Variants in ZRANB1 observed in about 807,000 individuals in gnomAD.
ZRANB1 encodes zinc finger RANBP2-type containing 1, also known as ubiquitin thioesterase ZRANB1.
A neutral mutation model predicts 80.5 loss-of-function variants in ZRANB1; 16 were observed. The observed-to-expected ratio is 0.20, with a 90% CI of 0.13 to 0.30. The LOEUF (loss-of-function observed/expected upper bound fraction) is 0.30. ZRANB1 is among the 10% of genes least tolerant of loss of function. The pLI is 1.00. For missense variants in ZRANB1, 576 were observed against 862.6 expected, an observed-to-expected ratio of 0.67 and a Z score of 4.16; for synonymous variants, 291 against 293.1, an observed-to-expected ratio of 0.99 and a Z score of 0.07.
chr10:124,937,455 G>C (rs1195310014), upstream of ZRANB1, among the ~76,000 whole-genome samples: 1 of 151,166 alleles, frequency 6.6e-6, no homozygotes, highest in African/African-American at 2.4e-5. Flanking sequence ...CAAAGTGCTG[G>C]GATTATAGGC....
chr10:124,922,994 A>G, the ZRANB1 span, among the ~76,000 whole-genome samples: 1 of 152,126 alleles, frequency 6.6e-6, no homozygotes, highest in Non-Finnish European at 1.5e-5. Context: ...TCACATTGCT[A>G]TAAAGAACTA....
intron 1 of ZRANB1, among the ~76,000 whole-genome samples, chr10:124,948,714 C>T (rs1951605459): frequency 6.6e-6 from 1 of 152,098 alleles, no homozygotes; most frequent in Admixed American, 6.6e-5. Flanking sequence ...TAATATGCTT[C>T]ATCATCTTGT....
Position 124,966,646 on chromosome 10 carries a change from A to G in ZRANB1, c.867A>G (p.Gly289=). 4 of 1,614,186 alleles carry G rather than the reference A, an allele frequency of 2.5e-6. No homozygotes were observed. The highest frequency in any genetic ancestry group is 3.4e-6 in the Non-Finnish European group (4 of 1,180,026). ...TAGAAGCATACAAGTCATCAGGAGG[A>G]GACATTGCACGTCAGCTCACCGCAG... ...AAIEAYKSSG[G]DIARQLTADE... is the part of the protein sequence containing the mutation. Residue 289 remains glycine (G), a synonymous_variant, in exon 2 of 9, where the codon GGA becomes GGG. Transcript: ENST00000359653.
chr10:124,966,332 A>G (rs936482784), intron 1 of ZRANB1, among the ~76,000 whole-genome samples: 2 of 152,074 alleles, frequency 1.3e-5, no homozygotes, highest in African/African-American at 4.8e-5. Flanking sequence ...CATGCAGCCT[A>G]ATAGTTCCTC....
the ZRANB1 span, among the ~76,000 whole-genome samples, chr10:124,926,471 G>A: frequency 1.3e-5 from 2 of 152,070 alleles, no homozygotes; most frequent in Non-Finnish European, 2.9e-5. Context: ...GCCTACACAG[G>A]GCCAGGATCA....
At chr10:124,940,501 C>G (rs995746678), upstream of ZRANB1, 4 of 1,288,334 alleles carry the variant, frequency 3.1e-6, no homozygotes, top group South Asian at 2.5e-5. Context: ...TACTTTTATT[C>G]TAATCATGTG....
At chr10:124,958,483 A>C (rs4962712) in intron 1 of ZRANB1, among the ~76,000 whole-genome samples, 90,287 of 152,110 alleles carry the variant, frequency 0.59, 30,475 homozygotes, top group Non-Finnish European at 0.75. Flanking sequence ...AAATAAAAAT[A>C]GTTTGTAATC....
chr10:124,963,755 A>C (rs979097608), intron 1 of ZRANB1, among the ~76,000 whole-genome samples: 8 of 152,194 alleles, frequency 5.3e-5, no homozygotes, highest in Non-Finnish European at 8.8e-5. Flanking sequence ...AGCAGTGTGC[A>C]ATAAAGACGT....
At chr10:124,928,090 G>T in the ZRANB1 span, among the ~76,000 whole-genome samples, 17 of 152,130 alleles carry the variant, frequency 1.1e-4, no homozygotes, top group Non-Finnish European at 2.2e-4. Context: ...TGAGATTGGG[G>T]TTGGTCAGGA....
chr10:124,975,772 C>A (rs1488588552), intron 5 of ZRANB1, among the ~76,000 whole-genome samples: 1 of 152,170 alleles, frequency 6.6e-6, no homozygotes. Flanking sequence ...GAGGCTGAGG[C>A]AGGCAGATCA....
intron 5 of ZRANB1, among the ~76,000 whole-genome samples, chr10:124,975,652 G>A (rs1951870455): frequency 6.6e-6 from 1 of 152,168 alleles, no homozygotes; most frequent in Non-Finnish European, 1.5e-5. Flanking sequence ...ACAGGCATGA[G>A]CCACCGTGCC....
intron 1 of ZRANB1, among the ~76,000 whole-genome samples, chr10:124,951,280 G>A (rs952513465): frequency 1.3e-5 from 2 of 151,936 alleles, no homozygotes; most frequent in African/African-American, 4.8e-5. Context: ...ATATGTGCCT[G>A]GTGTAATGAA....
At chr10:124,962,691 T>G (rs1589848331) in intron 1 of ZRANB1, among the ~76,000 whole-genome samples, 1 of 75,528 alleles carries the variant, frequency 1.3e-5, no homozygotes, top group African/African-American at 7.3e-5. Context: ...TTGCTTTTTA[T>G]TTTTTTTAAC....
At chr10:124,939,613 T>C (rs576519076), upstream of ZRANB1, among the ~76,000 whole-genome samples, 9 of 152,336 alleles carry the variant, frequency 5.9e-5, no homozygotes, top group Admixed American at 2.0e-4. Flanking sequence ...GTAAGACTTA[T>C]CAAAACAAGT....
the ZRANB1 span, among the ~76,000 whole-genome samples, chr10:124,922,246 ATATATATAT>A: frequency 8.0e-6 from 1 of 125,776 alleles, no homozygotes; most frequent in African/African-American, 3.2e-5. Context: ...AGCCCAAATT[ATATATATAT>A]GTAAAATATA....
At chr10:124,981,612 C>G (rs1032373833) in intron 5 of ZRANB1, 97 bp from the exon 6 acceptor site, 2 of 1,118,794 alleles carry the variant, frequency 1.8e-6, no homozygotes, top group Non-Finnish European at 2.4e-6. Flanking sequence ...GTTTCACAGA[C>G]TGCTTAAAGA....
chr10:124,972,764 T>G (rs1951837924), intron 3 of ZRANB1, among the ~76,000 whole-genome samples: 1 of 151,994 alleles, frequency 6.6e-6, no homozygotes, highest in African/African-American at 2.4e-5. Flanking sequence ...GAGATCTGTT[T>G]GTTTTGTTGC....
At position 124,951,278 on chromosome 10, in the gene ZRANB1, C is replaced by G. The variant is rs191760564; in HGVS notation, c.814+7971C>G. On this transcript the variant is annotated intron_variant, in intron 1 of 8. Coordinates refer to ENST00000359653, the MANE Select transcript of ZRANB1 (RefSeq NM_017580.3). Reference sequence around the variant, plus strand: ...AAGTTTCTACTGTTGAAATATGTGCCTGGTGTAATGAAAGGGAGGTTGTAC... The same window carrying G: ...AAGTTTCTACTGTTGAAATATGTGCGTGGTGTAATGAAAGGGAGGTTGTAC... 9.6e-4 allele frequency among the ~76,000 whole-genome samples: 146 copies of G among 151,982 alleles called. 1 individual carries two copies. Among genetic ancestry groups the G allele is most frequent in the African/African-American group, 3.5e-3 (144 of 41,430 alleles).
upstream of ZRANB1, among the ~76,000 whole-genome samples, chr10:124,940,934 A>G (rs1232093921): frequency 6.6e-6 from 1 of 152,056 alleles, no homozygotes; most frequent in East Asian, 1.9e-4. Flanking sequence ...CTTAGATTGC[A>G]CCACTCCACT....
Sources: allele counts gnomAD v4.1 joint callset (sites outside exome capture counted in the v4.1 genomes callset), GRCh38; gene constraint gnomAD v4.1.1; transcripts MANE v1.5; gene names NCBI Gene and HGNC (gene_info 2026-07-23, HGNC 2026-07-21).